Variants in GRIK1 observed in about 807,000 individuals in gnomAD.
GRIK1 encodes the protein glutamate ionotropic receptor kainate type subunit 1.
Under a neutral mutation model 105.7 loss-of-function variants are expected in GRIK1, and 69 were observed. The observed-to-expected ratio is 0.65, with a 90% CI of 0.54 to 0.80. The LOEUF (loss-of-function observed/expected upper bound fraction) is 0.80, where lower values mean the gene tolerates loss of function less well. GRIK1 is among the 30% of genes least tolerant of loss of function. The pLI is 0.00. For synonymous variants in GRIK1, 438 were observed against 431.3 expected, an observed-to-expected ratio of 1.02 and a Z score of -0.19; for missense variants, 1,109 against 1,167.3, an observed-to-expected ratio of 0.95 and a Z score of 0.73.
chr21:29,723,686 A>G (rs905165828), intron 1 of GRIK1, among the ~76,000 whole-genome samples: 3 of 152,212 alleles, frequency 2.0e-5, no homozygotes, highest in African/African-American at 7.2e-5. Flanking sequence ...GTCACAATTA[A>G]TGCATATGGA....
intron 1 of GRIK1, among the ~76,000 whole-genome samples, chr21:29,824,265 G>A (rs1023806142): frequency 1.3e-5 from 2 of 151,792 alleles, no homozygotes; most frequent in African/African-American, 4.8e-5. Flanking sequence ...GTAAGATGGG[G>A]CCTCTAAGAC....
At chr21:29,880,620 G>T (rs954833472) in intron 1 of GRIK1, among the ~76,000 whole-genome samples, 1 of 152,156 alleles carries the variant, frequency 6.6e-6, no homozygotes, top group Non-Finnish European at 1.5e-5. Context: ...CCCATTTGTT[G>T]TTAAATGTGC....
chr21:29,642,899 G>C lies in GRIK1; in HGVS notation c.1025C>G (p.Thr342Ser). The C allele has an allele frequency of 2.5e-6, 4 of 1,613,894 alleles. No individual in the cohort carries two copies. Among genetic ancestry groups the C allele is most frequent in the Non-Finnish European group, 3.4e-6 (4 of 1,179,754 alleles). The change falls in exon 7 of 18, where the codon ACC (threonine) becomes AGC (serine). Residue 342 changes from threonine (T) to serine (S), a missense_variant. Transcript: ENST00000327783. ...TCTATGGCACTGCAGGGAGCTGACG[G>C]TCAGCTGGGATGCCCGGTGCGAGGC... ...AIASHRASQL[T>S]VSSLQCHRHK...
At chr21:29,581,334 C>T in intron 13 of GRIK1, 91 bp downstream of exon 13, 1 of 791,578 alleles carries the variant, frequency 1.3e-6, no homozygotes, top group Admixed American at 1.9e-5. Flanking sequence ...GTGTTTCATC[C>T]TACCCTCTAG....
chr21:29,601,249 C>G (rs766162576), intron 7 of GRIK1: 4 of 509,302 alleles, frequency 7.9e-6, no homozygotes, highest in Admixed American at 7.8e-5. Context: ...CGGCCTTCAC[C>G]TGTTCTTGAG....
chr21:29,809,694 A>T (rs1389629841), intron 1 of GRIK1, among the ~76,000 whole-genome samples: 2 of 152,214 alleles, frequency 1.3e-5, no homozygotes, highest in Non-Finnish European at 2.9e-5. Context: ...TAATTGGTGC[A>T]AGAGGCCTAG....
At chr21:29,556,004 C>T (rs570309883) in intron 15 of GRIK1, among the ~76,000 whole-genome samples, 2 of 152,276 alleles carry the variant, frequency 1.3e-5, no homozygotes, top group South Asian at 4.1e-4. Context: ...TTTCATTAAA[C>T]AAGATCCTGA....
intron 16 of GRIK1, among the ~76,000 whole-genome samples, chr21:29,554,165 G>A (rs540706730): frequency 1.8e-4 from 28 of 152,106 alleles, no homozygotes; most frequent in Non-Finnish European, 3.2e-4. Flanking sequence ...GGGACACTTT[G>A]TTCAAAAATT....
intron 1 of GRIK1, among the ~76,000 whole-genome samples, chr21:29,712,915 T>C (rs1368191084): frequency 6.6e-6 from 1 of 152,174 alleles, no homozygotes; most frequent in Non-Finnish European, 1.5e-5. Flanking sequence ...TTGGAAACTT[T>C]TTTTTTTTCT....
chr21:29,829,070 T>A (rs1177255852), intron 1 of GRIK1, among the ~76,000 whole-genome samples: 1 of 152,134 alleles, frequency 6.6e-6, no homozygotes, highest in African/African-American at 2.4e-5. Context: ...TGAACGCCTT[T>A]CCAATGTAGC....
intron 4 of GRIK1, among the ~76,000 whole-genome samples, chr21:29,662,945 G>A (rs780897521): frequency 2.5e-4 from 38 of 152,138 alleles, no homozygotes; most frequent in Non-Finnish European, 5.1e-4. Context: ...TGTACAGCCA[G>A]TGCTGAGAAC....
At chr21:29,773,511 G>T (rs929511970) in intron 1 of GRIK1, among the ~76,000 whole-genome samples, 1 of 152,050 alleles carries the variant, frequency 6.6e-6, no homozygotes, top group Non-Finnish European at 1.5e-5. Flanking sequence ...AGGCAGAGTC[G>T]TGAAATGTTT....
chr21:29,541,429 C>T (rs2089967176), intron 16 of GRIK1, among the ~76,000 whole-genome samples: 1 of 152,164 alleles, frequency 6.6e-6, no homozygotes, highest in Admixed American at 6.5e-5. Flanking sequence ...GAATCATTTT[C>T]ATAGAACTAT....
At chr21:29,606,038 T>G (rs913869950) in intron 7 of GRIK1, among the ~76,000 whole-genome samples, 13 of 151,526 alleles carry the variant, frequency 8.6e-5, no homozygotes, top group African/African-American at 2.7e-4. Context: ...AAAAAAAGAT[T>G]GTGTGACCTT....
chr21:29,762,623 T>C (rs1220308486), intron 1 of GRIK1, among the ~76,000 whole-genome samples: 2 of 152,158 alleles, frequency 1.3e-5, no homozygotes, highest in African/African-American at 4.8e-5. Context: ...GAAGACAATA[T>C]GTGAGTTTCT....
intron 1 of GRIK1, among the ~76,000 whole-genome samples, chr21:29,777,488 T>C (rs1337898858): frequency 6.6e-6 from 1 of 151,978 alleles, no homozygotes; most frequent in Non-Finnish European, 1.5e-5. Flanking sequence ...AGAGAAAAGG[T>C]AATTGGAGAG....
At chr21:29,658,121 A>AT (rs968776287) in intron 4 of GRIK1, among the ~76,000 whole-genome samples, 103 of 148,458 alleles carry the variant, frequency 6.9e-4, no homozygotes, top group South Asian at 2.6e-3. Flanking sequence ...GTCACAATTA[A>AT]TTTTTTTTTT....
Position 29,639,094 on chromosome 21 carries a change from C to G in GRIK1, c.1098+3732G>C, listed in dbSNP as rs140743396. Among the ~76,000 whole-genome samples the G allele has an allele frequency of 7.5e-3, 1,141 of 152,326 alleles. 7 individuals are homozygous for G. Among genetic ancestry groups the G allele is most frequent in the Non-Finnish European group, 0.011 (748 of 68,036 alleles). ...TATCGAAACCTATGGCCCTGGTGGA[C>G]AGGTCTAGTCCAGCTCCTGACTCTG... On this transcript the variant is annotated intron_variant, in intron 7 of 17. Transcript: ENST00000327783.
intron 12 of GRIK1, among the ~76,000 whole-genome samples, chr21:29,581,792 C>A (rs2091028819): frequency 6.6e-6 from 1 of 152,134 alleles, no homozygotes; most frequent in Non-Finnish European, 1.5e-5. Context: ...CTCCTCAGCT[C>A]TATGTCTACT....
Sources: allele counts gnomAD v4.1 joint callset (sites outside exome capture counted in the v4.1 genomes callset), GRCh38; gene constraint gnomAD v4.1.1; transcripts MANE v1.5; gene names NCBI Gene and HGNC (gene_info 2026-07-23, HGNC 2026-07-21).